MMS22L: variants seen among roughly 807,000 people sequenced by gnomAD.
MMS22L encodes MMS22 like, DNA repair protein.
In MMS22L, 74 loss-of-function variants were observed where a neutral mutation model predicts 159.1. That is an observed-to-expected ratio of 0.47 (90% CI 0.39 to 0.56). The LOEUF (loss-of-function observed/expected upper bound fraction) is 0.56, where lower values mean the gene tolerates loss of function less well. MMS22L is among the 20% of genes least tolerant of loss of function. MMS22L has a pLI of 0.00. For synonymous variants in MMS22L, 517 were observed against 506.9 expected (o/e 1.02, Z -0.27); for missense variants, 1,351 against 1,422.1 (o/e 0.95, Z 0.80).
chr6:97,257,035 T>C (rs546330162), intron 9 of MMS22L, among the ~76,000 whole-genome samples: 8 of 152,342 alleles, frequency 5.3e-5, no homozygotes, highest in Non-Finnish European at 1.2e-4. Flanking sequence ...GTGATTCCAC[T>C]GTGATGTTAT....
intron 14 of MMS22L, among the ~76,000 whole-genome samples, chr6:97,188,241 G>C (rs1357440024): frequency 6.6e-6 from 1 of 152,026 alleles, no homozygotes; most frequent in South Asian, 2.1e-4. Flanking sequence ...CATTTCTACT[G>C]CCCTTTATAG....
At position 97,273,204 on chromosome 6, in the gene MMS22L, G is replaced by A. The variant is rs976945777; in HGVS notation, c.341-142C>T. On this transcript the variant is annotated intron_variant, in intron 4 of 24. Coordinates refer to ENST00000683635, the MANE Select transcript of MMS22L (RefSeq NM_001350599.2). ...CATTCTCTTATGGTTCTTGCTCCCC[G>A]CTACTCCTCAAAAAATGCTCTTATT... 3.4e-5 allele frequency: 23 copies of A among 671,930 alleles called. No homozygotes were observed. The Middle Eastern group carries it at 2.1e-3, about 61-fold the overall frequency. 41.6% of individuals were successfully genotyped at this position (671,930 alleles called of 1,614,324 possible). A position where few individuals can be genotyped will look rare whatever the true frequency, so the allele number is the denominator to read the frequency against.
intron 14 of MMS22L, among the ~76,000 whole-genome samples, chr6:97,196,391 G>A (rs1362161579): frequency 1.3e-5 from 2 of 152,166 alleles, no homozygotes; most frequent in African/African-American, 4.8e-5. Context: ...GGTACATGAA[G>A]GGATTCACAA....
Position 97,173,130 on chromosome 6 carries a change from T to C in MMS22L, c.2772A>G (p.Lys924=). ...TTTTTCCCAAATAAGGCTTAATATA[T>C]TTTAATACTTCACCAAGGTATTCCA... The part of the protein sequence containing the change: ...KSLEYLGEVL[K]YIKPYLGKKV... The change falls in exon 19 of 25, where the codon AAA becomes AAG. Residue 924 remains lysine, a synonymous_variant. Transcript: ENST00000683635. 1 of 1,613,756 alleles carries C rather than the reference T, an allele frequency of 6.2e-7. No individual in the cohort carries two copies. The highest frequency in any genetic ancestry group is 8.5e-7 in the Non-Finnish European group (1 of 1,179,796).
At chr6:97,238,698 A>C (rs1289283330) in intron 11 of MMS22L, among the ~76,000 whole-genome samples, 1 of 149,610 alleles carries the variant, frequency 6.7e-6, no homozygotes, top group Non-Finnish European at 1.5e-5. Context: ...TCTCTGCTTT[A>C]GTCCTTTTCT....
At chr6:97,279,886 C>T (rs1816604086) in intron 3 of MMS22L, among the ~76,000 whole-genome samples, 1 of 151,666 alleles carries the variant, frequency 6.6e-6, no homozygotes, top group African/African-American at 2.4e-5. Flanking sequence ...AATAGAAGTT[C>T]AAAAAAGGAA....
At chr6:97,157,621 T>C (rs372718250) in intron 22 of MMS22L, among the ~76,000 whole-genome samples, 1 of 152,306 alleles carries the variant, frequency 6.6e-6, no homozygotes, top group East Asian at 1.9e-4. Flanking sequence ...TGGATTATGT[T>C]TATTGATTTG....
chr6:97,156,906 G>T (rs1298302803), intron 22 of MMS22L, among the ~76,000 whole-genome samples: 1 of 152,022 alleles, frequency 6.6e-6, no homozygotes, highest in East Asian at 1.9e-4. Flanking sequence ...TATACTTTGG[G>T]GAGTATGGCC....
chr6:97,173,060 T>C lies in MMS22L; in HGVS notation c.2839+3A>G, dbSNP rs567032066. ...CTAGCAAAATAATGCCAGGAATACA[T>C]ACCCATCATTCCATAAGTCAGCTGC... On this transcript the variant is annotated splice_donor_region_variant and intron_variant, in intron 19 of 24. Transcript: ENST00000683635. The C allele has an allele frequency of 8.3e-5, 134 of 1,608,410 alleles. 1 individual carries two copies. In the South Asian group the frequency reaches 1.3e-3, roughly 15 times the overall value.
intron 14 of MMS22L, among the ~76,000 whole-genome samples, chr6:97,211,020 C>T (rs1438537778): frequency 1.3e-5 from 2 of 151,912 alleles, no homozygotes; most frequent in Non-Finnish European, 2.9e-5. Flanking sequence ...TAAATGCTTT[C>T]TACTATACTA....
chr6:97,268,104 G>T, intron 7 of MMS22L, 102 bp from the exon 8 acceptor site: 32 of 794,044 alleles, frequency 4.0e-5, no homozygotes, highest in South Asian at 1.8e-4. Context: ...AAAACATACA[G>T]TTTTTAATTT....
chr6:97,188,422 T>C (rs1805479898), intron 14 of MMS22L, among the ~76,000 whole-genome samples: 1 of 152,180 alleles, frequency 6.6e-6, no homozygotes, highest in Non-Finnish European at 1.5e-5. Flanking sequence ...AGAAATTCCT[T>C]AAATTAATTA....
intron 22 of MMS22L, among the ~76,000 whole-genome samples, chr6:97,152,821 A>T (rs13199471): frequency 0.018 from 1,867 of 105,270 alleles, 11 homozygotes; most frequent in African/African-American, 0.033. Flanking sequence ...TTTTTTTTTT[A>T]AAAAAAATGA....
chr6:97,279,205 C>T (rs1480602527), intron 3 of MMS22L, among the ~76,000 whole-genome samples: 6 of 152,250 alleles, frequency 3.9e-5, no homozygotes, highest in East Asian at 1.9e-4. Context: ...AGTTTACGGC[C>T]GGGTGTGGTG....
chr6:97,212,531 A>T (rs1808498455), intron 14 of MMS22L, among the ~76,000 whole-genome samples: 2 of 152,276 alleles, frequency 1.3e-5, no homozygotes, highest in South Asian at 4.1e-4. Flanking sequence ...TATAAAAGCA[A>T]TCACCGCTAG....
At chr6:97,176,487 C>T (rs948378313) in intron 18 of MMS22L, among the ~76,000 whole-genome samples, 4 of 152,254 alleles carry the variant, frequency 2.6e-5, no homozygotes, top group Middle Eastern at 3.4e-3. Context: ...GCTTGCAAGG[C>T]TGGCTCTTGG....
rs1288721036 is a variant in MMS22L at position 97,165,256 on chromosome 6, G to C, written c.3211C>G (p.Gln1071Glu). Residue 1071 changes from glutamine (Q) to glutamate (E), a missense_variant, in exon 21 of 25, where the codon CAA becomes GAA. Physicochemically the swap from Gln to Glu is conservative, Grantham distance 29. Transcript: ENST00000683635. Reference sequence around the variant, plus strand: ...AATATTTAGATGTACCTTATGACTTGCACAATGCATTTCTTTAGAGATGAT... The same window carrying C: ...AATATTTAGATGTACCTTATGACTTCCACAATGCATTTCTTTAGAGATGAT... ...PISSLKKCIV[Q>E]VIRKSYLEYK... 2 of 1,611,486 alleles carry C rather than the reference G, an allele frequency of 1.2e-6. No homozygotes were observed. Among genetic ancestry groups the C allele is most frequent in the Admixed American group, 1.7e-5 (1 of 59,856 alleles).
Position 97,151,800 on chromosome 6 carries a change from T to C in MMS22L, c.3453A>G (p.Glu1151=). 2 of 1,613,654 alleles carry C rather than the reference T, an allele frequency of 1.2e-6. No individual in the cohort carries two copies. Among genetic ancestry groups the C allele is most frequent in the Non-Finnish European group, 1.7e-6 (2 of 1,179,700 alleles). ...VKACQVGSEE[E]PSSQLTSVFR... is the part of the protein sequence containing the mutation. ...ACACAGAAGTCAGCTGGGAGGAAGGTTCTTCTTCTGACCCCACTTGGCAGG... is the reference window on the plus strand; with the variant it reads ...ACACAGAAGTCAGCTGGGAGGAAGGCTCTTCTTCTGACCCCACTTGGCAGG... The change falls in exon 23 of 25, where the codon GAA becomes GAG. Residue 1151 remains glutamate (E), a synonymous_variant. Transcript: ENST00000683635.
intron 21 of MMS22L, among the ~76,000 whole-genome samples, chr6:97,163,280 A>G (rs1802631421): frequency 6.6e-6 from 1 of 151,998 alleles, no homozygotes; most frequent in African/African-American, 2.4e-5. Flanking sequence ...GAAAAAGAAA[A>G]AGACAATTAT....
Sources: gnomAD v4.1 joint callset for allele counts (sites outside exome capture counted in the v4.1 genomes callset) on GRCh38, gnomAD v4.1.1 for gene constraint, MANE v1.5 for transcripts, NCBI Gene and HGNC (gene_info 2026-07-23, HGNC 2026-07-21) for gene names.